Variants in ERGIC1 observed in about 807,000 individuals in gnomAD.
The protein encoded by ERGIC1 is endoplasmic reticulum-Golgi intermediate compartment protein 1.
A neutral mutation model predicts 38.3 loss-of-function variants in ERGIC1; 19 were observed. That is an observed-to-expected ratio of 0.50 (90% CI 0.35 to 0.73). The LOEUF is 0.73. ERGIC1 is among the 30% of genes least tolerant of loss of function. The pLI is 0.01. For missense variants in ERGIC1, 294 were observed against 389.2 expected, an observed-to-expected ratio of 0.76 and a Z score of 2.06; for synonymous variants, 124 against 157.6, an observed-to-expected ratio of 0.79 and a Z score of 1.60.
intron 1 of ERGIC1, among the ~76,000 whole-genome samples, chr5:172,836,318 T>G (rs1258148653): frequency 6.6e-6 from 1 of 152,148 alleles, no homozygotes; most frequent in Non-Finnish European, 1.5e-5. Context: ...GGGCCCTGTG[T>G]CAGGCATTGA....
intron 3 of ERGIC1, among the ~76,000 whole-genome samples, chr5:172,903,293 C>T (rs920818093): frequency 1.3e-5 from 2 of 152,132 alleles, no homozygotes; most frequent in African/African-American, 2.4e-5. Flanking sequence ...GACCCCTAAG[C>T]ACCCCTGTAC....
chr5:172,880,201 TA>T (rs1762247094), intron 1 of ERGIC1, among the ~76,000 whole-genome samples: 1 of 152,130 alleles, frequency 6.6e-6, no homozygotes, highest in East Asian at 1.9e-4. Context: ...CATGCTTGGC[TA>T]ATTTTTGTAT....
intron 5 of ERGIC1, among the ~76,000 whole-genome samples, chr5:172,919,528 C>T (rs567800639): frequency 2.0e-5 from 3 of 152,342 alleles, no homozygotes; most frequent in Admixed American, 2.0e-4. Context: ...CCAGCCAGCT[C>T]TGGGTGAACT....
intron 1 of ERGIC1, among the ~76,000 whole-genome samples, chr5:172,853,610 C>A (rs937832014): frequency 2.0e-5 from 3 of 152,206 alleles, no homozygotes; most frequent in African/African-American, 4.8e-5. Flanking sequence ...CATCTCCCCC[C>A]GCCCCGGAGG....
Position 172,834,374 on chromosome 5 carries a change from C to A in ERGIC1, c.-40C>A. 7.8e-7 allele frequency: 1 copy of A among 1,276,490 alleles called. No individual in the cohort carries two copies. Among genetic ancestry groups the A allele is most frequent in the South Asian group, 2.7e-5 (1 of 37,622 alleles). The allele number at this position is 1,276,490 out of a possible 1,614,324, so 79.1% of individuals were successfully genotyped here. ...GCTCGGACCCACGCGGCGCCGCGGC[C>A]CGCCTGGCCTGCAGCGCTCCCACCC... On this transcript the variant is annotated 5_prime_UTR_variant, in exon 1 of 10. Transcript: ENST00000393784. This position sits in a 1 kb window ranked among gnomAD's most constrained non-coding sequence, Gnocchi z 4.1.
intron 3 of ERGIC1, among the ~76,000 whole-genome samples, chr5:172,907,530 C>G (rs1763065521): frequency 6.6e-6 from 1 of 151,974 alleles, no homozygotes; most frequent in Non-Finnish European, 1.5e-5. Flanking sequence ...TGCACTCCAG[C>G]CTGAGGGACA....
chr5:172,911,013 C>G (rs897754459), intron 4 of ERGIC1, among the ~76,000 whole-genome samples: 16 of 152,172 alleles, frequency 1.1e-4, no homozygotes, highest in African/African-American at 3.6e-4. Flanking sequence ...ATGCCATGGT[C>G]CCTAGACTTG....
At chr5:172,909,165 C>T (rs1165312145) in intron 3 of ERGIC1, among the ~76,000 whole-genome samples, 2 of 55,116 alleles carry the variant, frequency 3.6e-5, no homozygotes, top group Non-Finnish European at 4.6e-5. Context: ...CCAGCCCTCC[C>T]CTCTTTTTTT....
intron 9 of ERGIC1, among the ~76,000 whole-genome samples, chr5:172,944,569 G>A (rs1255541691): frequency 2.6e-5 from 4 of 152,220 alleles, no homozygotes; most frequent in Non-Finnish European, 5.9e-5. Flanking sequence ...TTGTTGGCCA[G>A]GCTGGTCTCG....
At chr5:172,936,475 A>G (rs907297809) in intron 9 of ERGIC1, 1 of 152,272 alleles carries the variant, frequency 6.6e-6, no homozygotes, top group East Asian at 1.9e-4. Context: ...CCCCATCCAA[A>G]CCGCAGGGAC....
intron 1 of ERGIC1, among the ~76,000 whole-genome samples, chr5:172,870,764 C>T (rs559139925): frequency 5.9e-5 from 9 of 152,300 alleles, no homozygotes; most frequent in Non-Finnish European, 1.0e-4. Flanking sequence ...CTCCCTTCCT[C>T]CCCGCCTGCC....
chr5:172,928,667 A>G (rs62387404), intron 7 of ERGIC1, among the ~76,000 whole-genome samples: 56,414 of 151,950 alleles, frequency 0.37, 10,797 homozygotes, highest in Non-Finnish European at 0.4. Context: ...CCCAGGGTAT[A>G]GTAGGTATAT....
At chr5:172,927,579 CT>C (rs35565131) in intron 7 of ERGIC1, among the ~76,000 whole-genome samples, 38,820 of 130,510 alleles carry the variant, frequency 0.3, 5,430 homozygotes, top group Non-Finnish European at 0.36. Flanking sequence ...CTCTGCTGTG[CT>C]TTTTTTTTTT....
chr5:172,894,974 G>A (rs1029454733), intron 2 of ERGIC1, among the ~76,000 whole-genome samples: 8 of 152,246 alleles, frequency 5.3e-5, no homozygotes, highest in African/African-American at 1.7e-4. Context: ...AGGTAGATAG[G>A]CAGATCGATA....
rs139344694 is a variant in ERGIC1, at chr5:172,925,861, C to T, written c.481-648C>T. Among the ~76,000 whole-genome samples the T allele has an allele frequency of 7.6e-3, 1,156 of 152,314 alleles. 18 individuals carry two copies. The highest frequency in any genetic ancestry group is 0.026 in the African/African-American group (1,100 of 41,568). ...TCTTTAGATGTTCCTTGAGGCCAACCTGGTTTCCCATTGTCCTCAGAGAAA... is the reference window on the plus strand; with the variant it reads ...TCTTTAGATGTTCCTTGAGGCCAACTTGGTTTCCCATTGTCCTCAGAGAAA... On this transcript the variant is annotated intron_variant, in intron 6 of 9. Coordinates refer to ENST00000393784, the MANE Select transcript of ERGIC1 (RefSeq NM_001031711.3).
chr5:172,834,563 C>G lies in ERGIC1; in HGVS notation c.20+130C>G, dbSNP rs1334643091. ...GCCCTGTGCATGCCTCCGCAGGCCC[C>G]TAGGGACCCCAGGCGAGCCCCCCCC... On this transcript the variant is annotated intron_variant, in intron 1 of 9. Transcript: ENST00000393784. This position sits in a 1 kb window ranked among gnomAD's most constrained non-coding sequence, Gnocchi z 4.1. 3.2e-5 allele frequency: 29 copies of G among 917,942 alleles called. No individual in the cohort carries two copies. In the African/African-American group the frequency reaches 4.9e-4, roughly 15 times the overall value. 56.9% of individuals were successfully genotyped at this position (917,942 alleles called of 1,614,324 possible). A position where few individuals can be genotyped will look rare whatever the true frequency, so the allele number is the denominator to read the frequency against.
chr5:172,950,056 G>GA (rs1250627883), intron 9 of ERGIC1, among the ~76,000 whole-genome samples: 1 of 151,688 alleles, frequency 6.6e-6, no homozygotes, highest in Non-Finnish European at 1.5e-5. Context: ...CTGGAAGACA[G>GA]AAAAAAAAGA....
intron 1 of ERGIC1, among the ~76,000 whole-genome samples, chr5:172,853,829 G>T (rs1275120534): frequency 1.3e-5 from 2 of 152,174 alleles, no homozygotes; most frequent in African/African-American, 4.8e-5. Flanking sequence ...TGGAGAGAGT[G>T]GTGCCCACCT....
At chr5:172,888,617 C>A in intron 1 of ERGIC1, 82 bp from the exon 2 acceptor site, 2 of 1,102,746 alleles carry the variant, frequency 1.8e-6, no homozygotes, top group South Asian at 1.2e-5. Flanking sequence ...AACCATGTGT[C>A]ACACAAGCCA....
Sources: gnomAD v4.1 joint callset for allele counts (sites outside exome capture counted in the v4.1 genomes callset) on GRCh38, gnomAD v4.1.1 for gene constraint, Gnocchi (gnomAD v3.1) non-coding constraint, MANE v1.5 for transcripts, NCBI Gene and HGNC (gene_info 2026-07-23, HGNC 2026-07-21) for gene names.